The following GOLGA6L2 variants were observed in gnomAD, a reference collection of about 807,000 sequenced individuals.
GOLGA6L2 encodes the protein golgin subfamily A member 6-like protein 2.
Under a neutral mutation model 35.9 loss-of-function variants are expected in GOLGA6L2, and 30 were observed. The ratio of observed to expected loss-of-function variants is 0.83; its 90% confidence interval spans 0.62 to 1.13. The LOEUF is 1.13. GOLGA6L2 is among the 50% of genes most tolerant of loss of function. The pLI is 0.00. For synonymous variants in GOLGA6L2, 297 were observed against 344.0 expected, an observed-to-expected ratio of 0.86 and a Z score of 1.51; for missense variants, 821 against 973.4, an observed-to-expected ratio of 0.84 and a Z score of 2.08.
In GOLGA6L2 at chr15:23,445,608, A is replaced by G. The variant is rs2344901; in HGVS notation, c.85-170T>C. On this transcript the variant is annotated intron_variant, in intron 1 of 7. Coordinates refer to ENST00000567107, the MANE Select transcript of GOLGA6L2 (RefSeq NM_001304388.2). ...AGAGGGATTGATACCATGGCTAAAA[A>G]AAAGGCAATAATGGAACTTAAACTC... Among the ~76,000 whole-genome samples, 464 of 151,996 alleles carry G rather than the reference A, an allele frequency of 3.1e-3. 2 individuals carry two copies. The highest frequency in any genetic ancestry group is 0.011 in the African/African-American group (453 of 41,440).
intron 2 of GOLGA6L2, 55 bp from the exon 3 acceptor site, chr15:23,444,555 C>A: frequency 6.5e-7 from 1 of 1,548,648 alleles, no homozygotes; most frequent in Non-Finnish European, 8.8e-7. Context: ...ACTCTATTCC[C>A]CAGGCCAGGA....
At chr15:23,444,839 G>A (rs1886744266) in intron 2 of GOLGA6L2, among the ~76,000 whole-genome samples, 1 of 151,922 alleles carries the variant, frequency 6.6e-6, no homozygotes, top group Non-Finnish European at 1.5e-5. Flanking sequence ...AGCACATAGG[G>A]GCCGGGGACG....
At position 23,441,675 on chromosome 15, in the gene GOLGA6L2, G is replaced by C; in HGVS notation, c.800C>G (p.Thr267Ser). Residue 267 changes from threonine to serine, a missense_variant, in exon 8 of 8, where the codon ACC (threonine) becomes AGC (serine). Thr to Ser is a moderately conservative substitution (Grantham distance 58, BLOSUM62 1). This residue lies in a region of GOLGA6L2 where 614 missense variants were observed against 632.3 expected (regional missense o/e 0.97). Coordinates refer to ENST00000567107, the MANE Select transcript of GOLGA6L2 (RefSeq NM_001304388.2). ...RAKFLLPQVQ[T>S]NTLQEEMWRQ... The stretch of plus-strand genomic sequence containing the variant: ...CCACATCTCCTCCTGCAAAGTGTTG[G>C]TTTGAACCTCAAAAGGAAATAGACT... The C allele has an allele frequency of 6.6e-7, 1 of 1,505,850 alleles. No homozygotes were observed. Among genetic ancestry groups the C allele is most frequent in the Non-Finnish European group, 8.8e-7 (1 of 1,130,896 alleles). 93.3% of individuals were successfully genotyped at this position (1,505,850 alleles called of 1,614,324 possible). A position where few individuals can be genotyped will look rare whatever the true frequency, so the allele number is the denominator to read the frequency against.
rs1350559307 is a variant in GOLGA6L2 at position 23,440,100 on chromosome 15, G to A, written c.2375C>T (p.Ala792Val). 2.2e-6 allele frequency: 1 copy of A among 450,892 alleles called. No homozygotes were observed. Among genetic ancestry groups the A allele is most frequent in the African/African-American group, 3.4e-5 (1 of 29,654 alleles). The allele number at this position is 450,892 out of a possible 1,614,324, so 27.9% of individuals were successfully genotyped here. Residue 792 changes from alanine (A) to valine (V), a missense_variant, in exon 8 of 8, where the codon GCA becomes GTA. This residue lies in a region of GOLGA6L2 where 99 missense variants were observed against 199.9 expected (regional missense o/e 0.50). Transcript: ENST00000567107. ...TCCTGCTCCCACATCTTCTCCTCCT[G>A]CTCCTGCATCTTCTCTTCCTGCTCC... The part of the protein sequence containing the change: ...DVGAGREDAG[A>V]GGEDVGAGGE...
rs530433098 is a variant in GOLGA6L2 at position 23,440,993 on chromosome 15, C to T, written c.1482G>A (p.Pro494=). 58 of 1,536,020 alleles carry T rather than the reference C, an allele frequency of 3.8e-5. No homozygotes were observed. The highest frequency in any genetic ancestry group is 1.2e-4 in the Admixed American group (6 of 50,128). ...GTTCCCACAGCTTCTCCTTCTGTTC[C>T]GGCAGCCTCTGCTGCTGCCACTCCT... ...EEKEWQQQRL[P]EQKEKLWEQE... is the part of the protein sequence containing the mutation. The change falls in exon 8 of 8, where the codon CCG becomes CCA. Residue 494 remains proline, a synonymous_variant. Coordinates refer to ENST00000567107, the MANE Select transcript of GOLGA6L2 (RefSeq NM_001304388.2).
chr15:23,441,525 C>A lies in GOLGA6L2; in HGVS notation c.950G>T (p.Arg317Leu). 7.3e-7 allele frequency: 1 copy of A among 1,363,564 alleles called. No homozygotes were observed. The allele number at this position is 1,363,564 out of a possible 1,614,324, so 84.5% of individuals were successfully genotyped here. The change falls in exon 8 of 8, where the codon CGG becomes CTG. Residue 317 changes from arginine to leucine, a missense_variant. By Grantham distance (102) the Arg-to-Leu change is moderately radical. Transcript: ENST00000567107. The stretch of plus-strand genomic sequence containing the variant: ...CTCTCGCAGCCTCTTCTCCTGTCTC[C>A]GCATCTTCTCCTCCTGCTCCCGCAT... ...GKMREQEEKM[R>L]RQEKRLREQE...
At chr15:23,442,881 G>A (rs927308259) in intron 5 of GOLGA6L2, among the ~76,000 whole-genome samples, 1 of 152,102 alleles carries the variant, frequency 6.6e-6, no homozygotes, top group Non-Finnish European at 1.5e-5. Flanking sequence ...AAGGGTAGAA[G>A]GGACAGGGAA....
rs1024113377 is a variant in GOLGA6L2, at chr15:23,439,677, G to A, written c.*68C>T. 5 of 1,537,278 alleles carry A rather than the reference G, an allele frequency of 3.3e-6. No homozygotes were observed. The highest frequency in any genetic ancestry group is 4.4e-6 in the Non-Finnish European group (5 of 1,147,226). On this transcript the variant is annotated 3_prime_UTR_variant, in exon 8 of 8. Coordinates refer to ENST00000567107, the MANE Select transcript of GOLGA6L2 (RefSeq NM_001304388.2). ...AGCTGCATGATCTCCTGTGCAGTGG[G>A]GTTGTCCTGCGGAGAACCCTCCCCA...
chr15:23,442,163 A>C, intron 6 of GOLGA6L2, 43 bp from the exon 7 acceptor site: 1 of 1,562,452 alleles, frequency 6.4e-7, no homozygotes, highest in Non-Finnish European at 8.6e-7. Context: ...CGAAGAACAG[A>C]AAGGACTGCT....
intron 2 of GOLGA6L2, 40 bp from the exon 3 acceptor site, chr15:23,444,540 CCTGGA>C (rs766489120): frequency 2.5e-6 from 4 of 1,591,486 alleles, no homozygotes; most frequent in Non-Finnish European, 3.4e-6. Context: ...AGGGTGGCCC[CCTGGA>C]CTCTATTCCC....
chr15:23,441,788 G>A, intron 7 of GOLGA6L2, 106 bp from the exon 8 acceptor site: 1 of 1,360,280 alleles, frequency 7.4e-7, no homozygotes, highest in Non-Finnish European at 9.7e-7. Flanking sequence ...TAACACTGAG[G>A]TTCTGATTTC....
rs374438970 is a variant in GOLGA6L2 at position 23,442,475 on chromosome 15, G to T, written c.625C>A (p.Leu209Met). ...GTGTTCCTGTACAGTTCCAGACTCA[G>T]GGCGTCCCTCTCCTTTGTTAACTCC... ...IEELTKERDA[L>M]SLELYRNTIT... Residue 209 changes from leucine (L) to methionine (M), a missense_variant, in exon 6 of 8, where the codon CTG becomes ATG. Leu to Met is a conservative substitution (Grantham distance 15). Coordinates refer to ENST00000567107, the MANE Select transcript of GOLGA6L2 (RefSeq NM_001304388.2). 66 of 1,595,852 alleles carry T rather than the reference G, an allele frequency of 4.1e-5. No homozygotes were observed. The highest frequency in any genetic ancestry group is 6.7e-5 in the Admixed American group (4 of 59,444).
At position 23,439,424 on chromosome 15, in the gene GOLGA6L2, C is replaced by T. The variant is rs969773329; in HGVS notation, c.*321G>A. 8.9e-5 allele frequency: 48 copies of T among 538,458 alleles called. No homozygotes were observed. Among genetic ancestry groups the T allele is most frequent in the Non-Finnish European group, 1.3e-4 (46 of 342,338 alleles). The allele number at this position is 538,458 out of a possible 1,614,324, so 33.4% of individuals were successfully genotyped here. A position where few individuals can be genotyped will look rare whatever the true frequency, so the allele number is the denominator to read the frequency against. On this transcript the variant is annotated 3_prime_UTR_variant, in exon 8 of 8. Coordinates refer to ENST00000567107, the MANE Select transcript of GOLGA6L2 (RefSeq NM_001304388.2). ...ACAAGGCCTGGCTAGTATTTTACCA[C>T]AATTTAAAGTAAATTTTCTTTTCTT...
rs867896935 is a variant in GOLGA6L2 at position 23,441,195 on chromosome 15, C to T, written c.1280G>A (p.Arg427Gln). 1.5e-5 allele frequency: 23 copies of T among 1,536,914 alleles called. 1 individual carries two copies. In the Middle Eastern group the frequency reaches 8.5e-4, roughly 57 times the overall value. ...EKMWEQVEKM[R>Q]EEKKMQEQEK... ...CTGCTCCTGCATCTTCTTCTCCTCC[C>T]GCATCTTCTCCACCTGCTCCCACAT... Residue 427 changes from arginine to glutamine, a missense_variant, in exon 8 of 8, where the codon CGG becomes CAG. Arg to Gln is a conservative substitution (Grantham distance 43). This residue lies in a region of GOLGA6L2 where 614 missense variants were observed against 632.3 expected (regional missense o/e 0.97). Transcript: ENST00000567107.
chr15:23,439,790 T>C lies in GOLGA6L2; in HGVS notation c.2685A>G (p.Gly895=). 1.3e-6 allele frequency: 2 copies of C among 1,532,820 alleles called. No homozygotes were observed. 95.0% of individuals were successfully genotyped at this position (1,532,820 alleles called of 1,614,324 possible). A position where few individuals can be genotyped will look rare whatever the true frequency, so the allele number is the denominator to read the frequency against. The change falls in exon 8 of 8, where the codon GGA becomes GGG. Residue 895 remains glycine (G), a synonymous_variant. Coordinates refer to ENST00000567107, the MANE Select transcript of GOLGA6L2 (RefSeq NM_001304388.2). ...AGGGAGGCAGGGCTCTGAGCACCGCTCCTCGTGCTCTGGCAGCCTCTCCTG... is the reference window on the plus strand; with the variant it reads ...AGGGAGGCAGGGCTCTGAGCACCGCCCCTCGTGCTCTGGCAGCCTCTCCTG... The part of the protein sequence containing the change: ...EDAGEAARAR[G]AVLRALPPSL...
intron 3 of GOLGA6L2, 49 bp from the exon 4 acceptor site, chr15:23,444,261 A>C (rs1413460033): frequency 1.7e-5 from 27 of 1,577,328 alleles, no homozygotes; most frequent in Non-Finnish European, 2.3e-5. Flanking sequence ...GCAGAGATCC[A>C]CAGCAAGAGA....
rs1175202302 is a variant in GOLGA6L2, at chr15:23,442,092, T to C, written c.679A>G (p.Asn227Asp). ...TITNEELKKK[N>D]AELQEKLRLA... The stretch of plus-strand genomic sequence containing the variant: ...CGAAGTTTTTCTTGTAGTTCGGCAT[T>C]TTTCTTCTTCAGCTCCTCATTGGTT... The change falls in exon 7 of 8, where the codon AAT becomes GAT. Residue 227 changes from asparagine to aspartate, a missense_variant. Physicochemically the swap from Asn to Asp is conservative, Grantham distance 23. Transcript: ENST00000567107. 1 of 1,553,008 alleles carries C rather than the reference T, an allele frequency of 6.4e-7. No individual in the cohort carries two copies. Among genetic ancestry groups the C allele is most frequent in the Non-Finnish European group, 8.7e-7 (1 of 1,155,542 alleles).
At chr15:23,444,312 C>T in intron 3 of GOLGA6L2, 100 bp from the exon 4 acceptor site, 4 of 1,485,342 alleles carry the variant, frequency 2.7e-6, no homozygotes, top group Admixed American at 1.9e-5. Flanking sequence ...GACAGGCGCA[C>T]CCATGGGACC....
rs1296492959 is a variant in GOLGA6L2, at chr15:23,441,592, T to A, written c.883A>T (p.Met295Leu). 1 of 1,549,350 alleles carries A rather than the reference T, an allele frequency of 6.5e-7. No individual in the cohort carries two copies. The change falls in exon 8 of 8, where the codon ATG becomes TTG. Residue 295 changes from methionine to leucine, a missense_variant. By Grantham distance (15) the Met-to-Leu change is conservative. This residue lies in a region of GOLGA6L2 where 614 missense variants were observed against 632.3 expected (regional missense o/e 0.97). Coordinates refer to ENST00000567107, the MANE Select transcript of GOLGA6L2 (RefSeq NM_001304388.2). ...CGCAGTCTCTCCTCCTGTCTCCACA[T>A]CTTCTCCTCCTGCTTCCGTATCTTC... is the stretch of plus-strand genomic sequence containing the variant. The part of the protein sequence containing the change: ...EKKIRKQEEK[M>L]WRQEERLREQ...
Sources: allele counts gnomAD v4.1 joint callset (sites outside exome capture counted in the v4.1 genomes callset), GRCh38; gene constraint gnomAD v4.1.1; regional missense constraint gnomAD v4.1.1; transcripts MANE v1.5; gene names NCBI Gene and HGNC (gene_info 2026-07-23, HGNC 2026-07-21).